The following HUNK variants were observed in gnomAD, a reference collection of about 807,000 sequenced individuals.
HUNK encodes the protein hormonally up-regulated Neu-associated kinase.
Under a neutral mutation model 61.0 loss-of-function variants are expected in HUNK, and 21 were observed. The ratio of observed to expected loss-of-function variants is 0.34; its 90% CI spans 0.24 to 0.50. HUNK has a LOEUF of 0.50. Among genes scored for constraint, HUNK ranks in the 20% least tolerant of loss-of-function variants. HUNK has a pLI of 0.98. For missense variants in HUNK, 772 were observed against 945.7 expected (o/e 0.82, Z 2.41); for synonymous variants, 371 against 386.1 (o/e 0.96, Z 0.46).
chr21:31,963,135 GT>G (rs2052940196), intron 5 of HUNK, among the ~76,000 whole-genome samples: 1 of 152,134 alleles, frequency 6.6e-6, no homozygotes, highest in African/African-American at 2.4e-5. Flanking sequence ...AAAAATACTA[GT>G]TTACCAGTAA....
At chr21:31,953,382 G>A (rs1461617690) in intron 4 of HUNK, among the ~76,000 whole-genome samples, 1 of 151,948 alleles carries the variant, frequency 6.6e-6, no homozygotes, top group Admixed American at 6.6e-5. Flanking sequence ...ATATAGGCAT[G>A]CACCGCCAAG....
At chr21:31,941,848 G>A (rs1202685741) in intron 3 of HUNK, among the ~76,000 whole-genome samples, 1 of 152,174 alleles carries the variant, frequency 6.6e-6, no homozygotes, top group African/African-American at 2.4e-5. Flanking sequence ...AGGTGACAGT[G>A]ATAGAGTTGT....
chr21:31,986,136 T>TTA (rs2053131052), intron 8 of HUNK, among the ~76,000 whole-genome samples: 1 of 152,056 alleles, frequency 6.6e-6, no homozygotes, highest in Non-Finnish European at 1.5e-5. Flanking sequence ...GCTTACTAAA[T>TTA]GTTAACCCCC....
At chr21:31,914,652 G>A (rs1047387470) in intron 1 of HUNK, among the ~76,000 whole-genome samples, 11 of 151,984 alleles carry the variant, frequency 7.2e-5, no homozygotes, top group African/African-American at 2.7e-4. Flanking sequence ...AGGTGCCAGC[G>A]GGGTTGGTTT....
chr21:31,987,388 T>G (rs1489993565), intron 8 of HUNK, among the ~76,000 whole-genome samples: 1 of 152,158 alleles, frequency 6.6e-6, no homozygotes, highest in Non-Finnish European at 1.5e-5. Flanking sequence ...CAATGCAAAC[T>G]TAGGTGCATG....
chr21:31,926,721 C>T (rs963872842), intron 2 of HUNK, among the ~76,000 whole-genome samples: 2 of 152,104 alleles, frequency 1.3e-5, no homozygotes, highest in Admixed American at 6.5e-5. Context: ...TATGGATATA[C>T]CACAATTGGC....
chr21:31,937,067 C>G (rs2052737702), intron 2 of HUNK, among the ~76,000 whole-genome samples: 1 of 152,142 alleles, frequency 6.6e-6, no homozygotes, highest in Non-Finnish European at 1.5e-5. Context: ...TGGGATATTG[C>G]TGGCATACTA....
At chr21:31,994,973 C>G (rs972588888) in intron 9 of HUNK, among the ~76,000 whole-genome samples, 1 of 152,108 alleles carries the variant, frequency 6.6e-6, no homozygotes, top group African/African-American at 2.4e-5. Flanking sequence ...GATAACATAA[C>G]GAGACCCCAT....
At chr21:31,981,834 C>T (rs9979499) in intron 7 of HUNK, among the ~76,000 whole-genome samples, 84,495 of 151,786 alleles carry the variant, frequency 0.56, 24,488 homozygotes, top group African/African-American at 0.74. Context: ...CAATTTTGAT[C>T]CCTTTTATTT....
At chr21:31,982,353 C>G (rs1344902198) in intron 7 of HUNK, among the ~76,000 whole-genome samples, 1 of 152,212 alleles carries the variant, frequency 6.6e-6, no homozygotes. Flanking sequence ...CTACAGACAA[C>G]TCAACTGCTC....
intron 1 of HUNK, among the ~76,000 whole-genome samples, chr21:31,878,500 C>T (rs771862997): frequency 6.6e-6 from 1 of 151,852 alleles, no homozygotes; most frequent in African/African-American, 2.4e-5. Flanking sequence ...TTTGGGAGGC[C>T]GAAGTGGGTG....
At chr21:31,979,309 G>T (rs1185064284) in intron 7 of HUNK, among the ~76,000 whole-genome samples, 1 of 151,704 alleles carries the variant, frequency 6.6e-6, no homozygotes, top group Non-Finnish European at 1.5e-5. Context: ...AGTAGAGACG[G>T]GGTTTCACCA....
chr21:31,993,641 T>C (rs1332671210), intron 9 of HUNK, among the ~76,000 whole-genome samples: 1 of 152,212 alleles, frequency 6.6e-6, no homozygotes, highest in Non-Finnish European at 1.5e-5. Context: ...CCTTTGCTGC[T>C]GGATGGGTGT....
intron 1 of HUNK, among the ~76,000 whole-genome samples, chr21:31,885,468 C>T (rs2052339727): frequency 6.6e-6 from 1 of 152,192 alleles, no homozygotes; most frequent in Admixed American, 6.5e-5. Flanking sequence ...TTTGTCCCTC[C>T]TCACCACCTG....
At chr21:31,952,094 C>A (rs1471484951) in intron 4 of HUNK, among the ~76,000 whole-genome samples, 1 of 151,812 alleles carries the variant, frequency 6.6e-6, no homozygotes, top group Non-Finnish European at 1.5e-5. Flanking sequence ...AAAGAAACAA[C>A]CATTTTGAAA....
chr21:31,890,080 T>C (rs965717495), intron 1 of HUNK, among the ~76,000 whole-genome samples: 3 of 152,330 alleles, frequency 2.0e-5, no homozygotes, highest in Admixed American at 2.0e-4. Context: ...TCCAGAATAG[T>C]TGAGATTTTT....
intron 6 of HUNK, among the ~76,000 whole-genome samples, chr21:31,968,749 TGTGTGA>T (rs754141326): frequency 0.092 from 8,718 of 94,480 alleles, 297 homozygotes; most frequent in Non-Finnish European, 0.14. Flanking sequence ...TGTGTGTGTG[TGTGTGA>T]GAGAGAGAGA....
intron 4 of HUNK, among the ~76,000 whole-genome samples, chr21:31,957,509 G>T (rs2052897629): frequency 2.6e-5 from 4 of 152,158 alleles, no homozygotes; most frequent in Admixed American, 2.6e-4. Context: ...GGCCTCGAGG[G>T]TCTTAATTTC....
chr21:31,933,614 G>A (rs932518196), intron 2 of HUNK, among the ~76,000 whole-genome samples: 4 of 151,956 alleles, frequency 2.6e-5, no homozygotes, highest in Non-Finnish European at 5.9e-5. Flanking sequence ...GAGAAACCCC[G>A]TCTCTACTAA....
Sources: gnomAD v4.1 joint callset for allele counts (sites outside exome capture counted in the v4.1 genomes callset) on GRCh38, gnomAD v4.1.1 for gene constraint, MANE v1.5 for transcripts, NCBI Gene and HGNC (gene_info 2026-07-23, HGNC 2026-07-21) for gene names.